PTPRR: variants seen among roughly 807,000 people sequenced by gnomAD.
PTPRR encodes receptor-type tyrosine-protein phosphatase R.
A neutral mutation model predicts 77.2 loss-of-function variants in PTPRR; 38 were observed. The observed-to-expected ratio is 0.49, with a 90% CI of 0.38 to 0.65. The LOEUF (loss-of-function observed/expected upper bound fraction) is 0.65. PTPRR is among the 30% of genes least tolerant of loss of function. The pLI is 0.00. For synonymous variants in PTPRR, 299 were observed against 283.1 expected, an observed-to-expected ratio of 1.06 and a Z score of -0.57; for missense variants, 744 against 799.2, an observed-to-expected ratio of 0.93 and a Z score of 0.83.
intron 1 of PTPRR, among the ~76,000 whole-genome samples, chr12:70,900,848 G>T (rs1439179084): frequency 1.3e-5 from 2 of 151,484 alleles, no homozygotes; most frequent in East Asian, 1.9e-4. Context: ...TGTTAGAATG[G>T]GTTTATCAAA....
intron 10 of PTPRR, among the ~76,000 whole-genome samples, chr12:70,679,114 A>C (rs74647155): frequency 0.022 from 3,320 of 152,226 alleles, 48 homozygotes; most frequent in Non-Finnish European, 0.032. Context: ...AAAGACTTTG[A>C]TATGCTGTCT....
chr12:70,717,899 T>C (rs948419151), intron 6 of PTPRR, among the ~76,000 whole-genome samples: 1 of 152,198 alleles, frequency 6.6e-6, no homozygotes, highest in South Asian at 2.1e-4. Context: ...AAAAAAATAG[T>C]ATTTGCTTTT....
At chr12:70,750,557 A>AT (rs908486063) in intron 5 of PTPRR, among the ~76,000 whole-genome samples, 3 of 152,194 alleles carry the variant, frequency 2.0e-5, no homozygotes, top group Non-Finnish European at 4.4e-5. Context: ...AGATGAGCTT[A>AT]TTTTAGATAA....
At chr12:70,852,348 G>C (rs555543818) in intron 2 of PTPRR, among the ~76,000 whole-genome samples, 2 of 152,188 alleles carry the variant, frequency 1.3e-5, no homozygotes, top group Non-Finnish European at 2.9e-5. Context: ...TAAAAAATAA[G>C]AAAAGATTAC....
chr12:70,660,176 C>CAAA (rs1886743197), intron 12 of PTPRR, among the ~76,000 whole-genome samples: 1 of 79,328 alleles, frequency 1.3e-5, no homozygotes, highest in Non-Finnish European at 2.5e-5. Flanking sequence ...GACTCTGTCT[C>CAAA]ATAATAAATA....
intron 1 of PTPRR, among the ~76,000 whole-genome samples, chr12:70,905,592 C>T (rs929264770): frequency 3.3e-5 from 5 of 151,812 alleles, no homozygotes; most frequent in African/African-American, 1.2e-4. Context: ...TGGGTATGAC[C>T]TTGGTAGCCT....
At chr12:70,761,426 T>C (rs771035033) in intron 4 of PTPRR, 45 bp downstream of exon 4, 5 of 1,490,868 alleles carry the variant, frequency 3.4e-6, no homozygotes, top group Non-Finnish European at 4.5e-6. Flanking sequence ...CATAGCATGC[T>C]AACTGTTCAC....
At chr12:70,827,492 GA>G (rs1303201255) in intron 2 of PTPRR, among the ~76,000 whole-genome samples, 1 of 152,000 alleles carries the variant, frequency 6.6e-6, no homozygotes, top group African/African-American at 2.4e-5. Context: ...TCACACAGTG[GA>G]GGGGGTAAGG....
At chr12:70,673,031 C>CA (rs1229938892) in intron 10 of PTPRR, 8,516 of 457,414 alleles carry the variant, frequency 0.019, 59 homozygotes, top group African/African-American at 0.066. Flanking sequence ...CGGGCCAAAG[C>CA]AAAAAAAAAA....
intron 1 of PTPRR, among the ~76,000 whole-genome samples, chr12:70,912,495 A>T (rs1893714300): frequency 6.6e-6 from 1 of 152,194 alleles, no homozygotes; most frequent in African/African-American, 2.4e-5. Flanking sequence ...TAAAAAATAA[A>T]ATAGAAATAG....
intron 2 of PTPRR, among the ~76,000 whole-genome samples, chr12:70,883,207 G>T (rs1313484325): frequency 6.6e-6 from 1 of 152,148 alleles, no homozygotes; most frequent in East Asian, 1.9e-4. Context: ...GTTGCAGTGA[G>T]CTGAGATCTC....
chr12:70,881,566 A>T (rs568174713), intron 2 of PTPRR, among the ~76,000 whole-genome samples: 1 of 152,332 alleles, frequency 6.6e-6, no homozygotes, highest in Admixed American at 6.5e-5. Context: ...ACCATGTGAA[A>T]ATGTAGGCCA....
intron 2 of PTPRR, among the ~76,000 whole-genome samples, chr12:70,814,481 C>T (rs977522885): frequency 6.6e-6 from 1 of 152,176 alleles, no homozygotes; most frequent in African/African-American, 2.4e-5. Flanking sequence ...ATTTCCCACT[C>T]CCAGATTGAG....
chr12:70,720,726 C>A (rs925011498), intron 6 of PTPRR, among the ~76,000 whole-genome samples: 1 of 152,114 alleles, frequency 6.6e-6, no homozygotes, highest in Non-Finnish European at 1.5e-5. Flanking sequence ...AGTGATCCCC[C>A]AGGCTTGGCC....
intron 1 of PTPRR, among the ~76,000 whole-genome samples, chr12:70,910,264 G>A (rs1893681198): frequency 6.6e-6 from 1 of 152,126 alleles, no homozygotes; most frequent in South Asian, 2.1e-4. Context: ...TTTTAAATGG[G>A]AGAAGATGGG....
At chr12:70,877,068 G>T (rs1275547292) in intron 2 of PTPRR, among the ~76,000 whole-genome samples, 3 of 152,202 alleles carry the variant, frequency 2.0e-5, no homozygotes, top group African/African-American at 7.2e-5. Flanking sequence ...CTAGTAAGCA[G>T]CCAGCTTTCC....
At position 70,654,481 on chromosome 12, in the gene PTPRR, G is replaced by A. The variant is rs150548397; in HGVS notation, c.1880+2223C>T. On this transcript the variant is annotated intron_variant, in intron 13 of 13. Coordinates refer to ENST00000283228, the MANE Select transcript of PTPRR (RefSeq NM_002849.4). ...TCCCAGGAGGTCAAGGCTGCAGTGG[G>A]CCATGATCACGCCACTGCACTCCAG... Among the ~76,000 whole-genome samples, 511 of 152,234 alleles carry A rather than the reference G, an allele frequency of 3.4e-3. 4 individuals are homozygous for A. Among genetic ancestry groups the A allele is most frequent in the African/African-American group, 0.012 (484 of 41,526 alleles).
In PTPRR at chr12:70,684,108, A is replaced by G; in HGVS notation, c.1497+19T>C. ...CAACAGAACACATATAACATTCAGAACTTGATTAAAGATCATACCTCATTT... is the reference window on the plus strand; with the variant it reads ...CAACAGAACACATATAACATTCAGAGCTTGATTAAAGATCATACCTCATTT... On this transcript the variant is annotated intron_variant, in intron 10 of 13. Coordinates refer to ENST00000283228, the MANE Select transcript of PTPRR (RefSeq NM_002849.4). 1 of 1,611,866 alleles carries G rather than the reference A, an allele frequency of 6.2e-7. No homozygotes were observed. Among genetic ancestry groups the G allele is most frequent in the South Asian group, 1.1e-5 (1 of 90,808 alleles).
At chr12:70,873,814 G>C (rs1893002281) in intron 2 of PTPRR, among the ~76,000 whole-genome samples, 1 of 152,158 alleles carries the variant, frequency 6.6e-6, no homozygotes, top group Non-Finnish European at 1.5e-5. Flanking sequence ...GTTTCCACAT[G>C]GCAGTGTTTG....
Sources: allele counts gnomAD v4.1 joint callset (sites outside exome capture counted in the v4.1 genomes callset), GRCh38; gene constraint gnomAD v4.1.1; transcripts MANE v1.5; gene names NCBI Gene and HGNC (gene_info 2026-07-23, HGNC 2026-07-21).